ZNF700: variants seen among roughly 807,000 people sequenced by gnomAD.
The protein encoded by ZNF700 is zinc finger protein 700.
In ZNF700, 38 loss-of-function variants were observed where a neutral mutation model predicts 65.3. The ratio of observed to expected loss-of-function variants is 0.58; its 90% CI spans 0.45 to 0.76. The LOEUF (loss-of-function observed/expected upper bound fraction) is 0.76. ZNF700 is among the 30% of genes least tolerant of loss of function. ZNF700 has a pLI of 0.00. For missense variants in ZNF700, 857 were observed against 888.4 expected, an observed-to-expected ratio of 0.96 and a Z score of 0.45; for synonymous variants, 285 against 290.4, an observed-to-expected ratio of 0.98 and a Z score of 0.19.
chr19:11,942,788 G>A (rs930048272), intron 1 of ZNF700, among the ~76,000 whole-genome samples: 25 of 152,168 alleles, frequency 1.6e-4, no homozygotes, highest in African/African-American at 5.1e-4. Context: ...TTAACTACCA[G>A]GCCTGGGGTG....
intron 1 of ZNF700, among the ~76,000 whole-genome samples, chr19:11,935,233 G>GTTTTT (rs1278688727): frequency 5.4e-5 from 5 of 93,232 alleles, no homozygotes; most frequent in Non-Finnish European, 5.9e-5. Context: ...GAAAGATCTT[G>GTTTTT]TTTTTTTTTT....
Position 11,949,813 on chromosome 19 carries a change from T to C in ZNF700, c.1789T>C (p.Cys597Arg), listed in dbSNP as rs371845895. Residue 597 changes from cysteine (C) to arginine (R), a missense_variant, in exon 4 of 4, where the codon TGT (cysteine) becomes CGT (arginine). By Grantham distance (180) the Cys-to-Arg change is radical. This residue lies in a region of ZNF700 where 251 missense variants were observed against 250.3 expected (regional missense o/e 1.00). Transcript: ENST00000254321. ...AGAGAAACCCTATGAGTGTAAGCAA[T>C]GTGGGAAAGCCTTCAGTTGTGCCTC... ...TGEKPYECKQ[C>R]GKAFSCASNL... The C allele has an allele frequency of 5.0e-6, 8 of 1,612,912 alleles. No homozygotes were observed. The highest frequency in any genetic ancestry group is 2.2e-5 in the South Asian group (2 of 91,050).
intron 3 of ZNF700, among the ~76,000 whole-genome samples, chr19:11,947,911 G>T (rs1039821088): frequency 6.6e-6 from 1 of 152,186 alleles, no homozygotes; most frequent in Non-Finnish European, 1.5e-5. Context: ...AGGAGGCGAA[G>T]GCAGGAGGAT....
chr19:11,929,604 A>AT lies in ZNF700; in HGVS notation c.63+4334dup, dbSNP rs1274006422. Among the ~76,000 whole-genome samples the AT allele has an allele frequency of 1.4e-5, 2 of 148,028 alleles. 1 individual carries two copies. Among genetic ancestry groups the AT allele is most frequent in the African/African-American group, 5.3e-5 (2 of 37,806 alleles). On this transcript the variant is annotated intron_variant, in intron 1 of 3. Transcript: ENST00000254321. The stretch of plus-strand genomic sequence containing the variant: ...TTTCTGAGAGTTGTATTTAAATTCG[A>AT]TTTCAGGGTCCTTAGGTAGGACCTT...
chr19:11,948,221 A>T lies in ZNF700; in HGVS notation c.252-55A>T, dbSNP rs532267967. 1.3e-5 allele frequency: 20 copies of T among 1,558,210 alleles called. No homozygotes were observed. The South Asian group carries it at 2.4e-4, about 18-fold the overall frequency. On this transcript the variant is annotated intron_variant, in intron 3 of 3. Transcript: ENST00000254321. ...AATGCAAGTGCAATACTTGTTGATT[A>T]ATATAGAAGTACTTGTAAACAAACC...
chr19:11,938,209 C>T (rs538806998), intron 1 of ZNF700, among the ~76,000 whole-genome samples: 6 of 152,126 alleles, frequency 3.9e-5, no homozygotes, highest in Non-Finnish European at 7.3e-5. Flanking sequence ...ACAGGGACTA[C>T]AGGTACACAC....
rs531216492 is a variant in ZNF700 at position 11,932,730 on chromosome 19, C to T, written c.63+7457C>T. ...TCGGCTCACTGCAAGCTCCGCCTCC[C>T]GGGTTCACGCCATTCTCCTGTCTCA... On this transcript the variant is annotated intron_variant, in intron 1 of 3. Coordinates refer to ENST00000254321, the MANE Select transcript of ZNF700 (RefSeq NM_144566.3). 2.1e-5 allele frequency among the ~76,000 whole-genome samples: 3 copies of T among 145,898 alleles called. No individual in the cohort carries two copies. The East Asian group carries it at 5.8e-4, about 28-fold the overall frequency.
chr19:11,925,664 T>A (rs990319320), intron 1 of ZNF700, among the ~76,000 whole-genome samples: 9 of 152,212 alleles, frequency 5.9e-5, no homozygotes, highest in African/African-American at 2.2e-4. Context: ...CACTTTCTCC[T>A]GTTAAAAATT....
At chr19:11,944,552 G>A (rs1043231656) in intron 1 of ZNF700, among the ~76,000 whole-genome samples, 1 of 152,156 alleles carries the variant, frequency 6.6e-6, no homozygotes, top group South Asian at 2.1e-4. Flanking sequence ...TTCAAACCTA[G>A]GAATAAGATC....
intron 1 of ZNF700, 42 bp downstream of exon 1, chr19:11,925,315 T>C: frequency 6.2e-7 from 1 of 1,605,618 alleles, no homozygotes; most frequent in Non-Finnish European, 8.5e-7. Flanking sequence ...GGGGAGGGGC[T>C]GCCTGGAACA....
At chr19:11,933,364 A>C (rs1306348413) in intron 1 of ZNF700, among the ~76,000 whole-genome samples, 1 of 148,336 alleles carries the variant, frequency 6.7e-6, no homozygotes, top group South Asian at 2.1e-4. Context: ...TGAAGAAGCC[A>C]ATATTATTAT....
chr19:11,944,220 T>C (rs1456599236), intron 1 of ZNF700, among the ~76,000 whole-genome samples: 1 of 152,106 alleles, frequency 6.6e-6, no homozygotes, highest in Non-Finnish European at 1.5e-5. Flanking sequence ...TTCACCTAAT[T>C]CTCAGGGAGT....
chr19:11,935,308 C>T (rs1972778718), intron 1 of ZNF700, among the ~76,000 whole-genome samples: 1 of 135,324 alleles, frequency 7.4e-6, no homozygotes, highest in Non-Finnish European at 1.5e-5. Context: ...GTAATCTCGG[C>T]TCACTGCAAC....
chr19:11,946,287 C>G (rs1972957517), intron 1 of ZNF700, among the ~76,000 whole-genome samples: 1 of 152,082 alleles, frequency 6.6e-6, no homozygotes, highest in African/African-American at 2.4e-5. Context: ...TCTGGGTGGT[C>G]TAGGGGTGTA....
At chr19:11,945,803 C>G (rs1418079064) in intron 1 of ZNF700, among the ~76,000 whole-genome samples, 1 of 152,018 alleles carries the variant, frequency 6.6e-6, no homozygotes, top group Non-Finnish European at 1.5e-5. Context: ...GAGATGGTGG[C>G]TCTCAGCTTG....
chr19:11,940,790 G>A (rs1330997865), intron 1 of ZNF700, among the ~76,000 whole-genome samples: 2 of 152,120 alleles, frequency 1.3e-5, no homozygotes, highest in Non-Finnish European at 2.9e-5. Flanking sequence ...GCTGATTGGT[G>A]CGTTTACAAT....
At chr19:11,945,292 A>C (rs1225722142) in intron 1 of ZNF700, among the ~76,000 whole-genome samples, 2 of 152,104 alleles carry the variant, frequency 1.3e-5, no homozygotes, top group Admixed American at 6.6e-5. Flanking sequence ...AGTCTGCAGA[A>C]CCCTACTGCT....
At position 11,948,551 on chromosome 19, in the gene ZNF700, G is replaced by A; in HGVS notation, c.527G>A (p.Arg176Lys). The A allele has an allele frequency of 6.2e-7, 1 of 1,609,780 alleles. No homozygotes were observed. Among genetic ancestry groups the A allele is most frequent in the Non-Finnish European group, 8.5e-7 (1 of 1,179,112 alleles). Residue 176 changes from arginine (R) to lysine (K), a missense_variant, in exon 4 of 4, where the codon AGG (arginine) becomes AAG (lysine). Physicochemically the swap from Arg to Lys is conservative, Grantham distance 26. Coordinates refer to ENST00000254321, the MANE Select transcript of ZNF700 (RefSeq NM_144566.3). ...CAACCTAAAAATAAGAAAGCCTTCA[G>A]GTATCGCCCATCCATTAGAACACAA... ...CQQPKNKKAFRYRPSIRTQER... is the reference protein window; with the variant it reads ...CQQPKNKKAFKYRPSIRTQER...
At chr19:11,935,470 G>A (rs1599283346) in intron 1 of ZNF700, among the ~76,000 whole-genome samples, 1 of 151,948 alleles carries the variant, frequency 6.6e-6, no homozygotes, top group Admixed American at 6.6e-5. Context: ...TGACCTCGAT[G>A]ATCCACCCAC....
Sources: gnomAD v4.1 joint callset for allele counts (sites outside exome capture counted in the v4.1 genomes callset) on GRCh38, gnomAD v4.1.1 for gene constraint, gnomAD v4.1.1 regional missense constraint, MANE v1.5 for transcripts, NCBI Gene and HGNC (gene_info 2026-07-23, HGNC 2026-07-21) for gene names.